ITPRID1: variants seen among roughly 807,000 people sequenced by gnomAD.
ITPRID1 encodes the protein protein ITPRID1.
ITPRID1 carries 96 observed loss-of-function variants against 95.4 expected under a neutral mutation model. That is an observed-to-expected ratio of 1.01 (90% CI 0.85 to 1.19). ITPRID1 has a LOEUF of 1.19. Ranked by LOEUF, ITPRID1 falls within the 50% of genes most tolerant of loss-of-function variation. The pLI, the probability that ITPRID1 is intolerant of heterozygous loss-of-function variation, is 0.00. For synonymous variants in ITPRID1, 510 were observed against 453.6 expected, an observed-to-expected ratio of 1.12 and a Z score of -1.58; for missense variants, 1,339 against 1,252.9, an observed-to-expected ratio of 1.07 and a Z score of -1.04.
chr7:31,532,902 T>C (rs557930942), intron 1 of ITPRID1, among the ~76,000 whole-genome samples: 1 of 152,340 alleles, frequency 6.6e-6, no homozygotes, highest in East Asian at 1.9e-4. Context: ...ATTTTACATA[T>C]GGCTGGATTT....
chr7:31,545,672 T>C lies in ITPRID1; in HGVS notation c.-97-3754T>C, dbSNP rs560465628. Among the ~76,000 whole-genome samples, 10 of 152,212 alleles carry C rather than the reference T, an allele frequency of 6.6e-5. No homozygotes were observed. In the South Asian group the frequency reaches 1.9e-3, roughly 28 times the overall value. On this transcript the variant is annotated intron_variant, in intron 1 of 14. Coordinates refer to ENST00000615280, the MANE Select transcript of ITPRID1 (RefSeq NM_001257967.3). Reference sequence around the variant, plus strand: ...TTCCAGCTTGGGCACAACTGCCTTGTCTTTATATCCAGCCTGCTCCTAAAT... The same window carrying C: ...TTCCAGCTTGGGCACAACTGCCTTGCCTTTATATCCAGCCTGCTCCTAAAT...
At position 31,593,923 on chromosome 7, in the gene ITPRID1, A is replaced by C. The variant is rs1408557033; in HGVS notation, c.1228+10732A>C. On this transcript the variant is annotated intron_variant, in intron 10 of 14. Transcript: ENST00000615280. ...TCATATGGAAAGGTCTCTGAGACAT[A>C]GAGTTGTTAAGTGAGAAAAAAGTTA... Among the ~76,000 whole-genome samples, 3 of 152,214 alleles carry C rather than the reference A, an allele frequency of 2.0e-5. No individual in the cohort carries two copies. The East Asian group carries it at 5.8e-4, about 29-fold the overall frequency.
At chr7:31,595,397 T>C (rs16875585) in intron 10 of ITPRID1, among the ~76,000 whole-genome samples, 21,701 of 145,152 alleles carry the variant, frequency 0.15, 1,803 homozygotes, top group African/African-American at 0.23. Context: ...TTTTTATAGA[T>C]ATAAATGCAG....
At chr7:31,550,122 T>G (rs185244478) in intron 2 of ITPRID1, among the ~76,000 whole-genome samples, 21 of 152,288 alleles carry the variant, frequency 1.4e-4, no homozygotes, top group African/African-American at 5.1e-4. Context: ...TGGTACCTTT[T>G]TTTTTCCTTT....
intron 7 of ITPRID1, 89 bp downstream of exon 7, chr7:31,572,277 G>A (rs927899010): frequency 9.5e-6 from 7 of 738,150 alleles, no homozygotes; most frequent in Middle Eastern, 4.7e-4. Flanking sequence ...CTTGTTGAAT[G>A]AATGGATGAG....
rs147878822 is a variant in ITPRID1 at position 31,533,024 on chromosome 7, G to T, written c.-97-16402G>T. On this transcript the variant is annotated intron_variant, in intron 1 of 14. Coordinates refer to ENST00000615280, the MANE Select transcript of ITPRID1 (RefSeq NM_001257967.3). ...AGGTTTGGGTATCAGTGTTATACAA[G>T]GAATTGAAAATATTTTTTTTCTTTT... Among the ~76,000 whole-genome samples, 1,154 of 152,162 alleles carry T rather than the reference G, an allele frequency of 7.6e-3. 20 individuals carry two copies. The highest frequency in any genetic ancestry group is 0.027 in the African/African-American group (1,111 of 41,510).
At chr7:31,543,098 T>C (rs888494612) in intron 1 of ITPRID1, among the ~76,000 whole-genome samples, 29 of 152,230 alleles carry the variant, frequency 1.9e-4, no homozygotes, top group African/African-American at 7.0e-4. Flanking sequence ...GTTATTGGCC[T>C]TTGGGTGAGG....
intron 12 of ITPRID1, among the ~76,000 whole-genome samples, chr7:31,646,782 G>A (rs747061688): frequency 2.6e-5 from 4 of 152,156 alleles, no homozygotes; most frequent in Non-Finnish European, 5.9e-5. Flanking sequence ...TAAACAAGTA[G>A]GAGTTTGAAT....
intron 5 of ITPRID1, among the ~76,000 whole-genome samples, chr7:31,564,459 T>TA (rs958415446): frequency 3.9e-5 from 6 of 152,054 alleles, no homozygotes; most frequent in Non-Finnish European, 7.4e-5. Flanking sequence ...AAATCTGGTT[T>TA]AAAAAAACCT....
intron 10 of ITPRID1, among the ~76,000 whole-genome samples, chr7:31,625,469 G>A: frequency 6.6e-6 from 1 of 152,128 alleles, no homozygotes; most frequent in Non-Finnish European, 1.5e-5. Context: ...CATGTCCTTT[G>A]TAGGGACATG....
At chr7:31,572,044 C>A in intron 6 of ITPRID1, 58 bp from the exon 7 acceptor site, 1 of 1,101,214 alleles carries the variant, frequency 9.1e-7, no homozygotes, top group Non-Finnish European at 1.4e-6. Flanking sequence ...TTCACAATGA[C>A]CTCCCAGGAG....
intron 10 of ITPRID1, among the ~76,000 whole-genome samples, chr7:31,629,423 G>A (rs1426046384): frequency 1.3e-5 from 2 of 152,162 alleles, no homozygotes; most frequent in Non-Finnish European, 2.9e-5. Context: ...ACAATGGCCT[G>A]TTTTCCTTCC....
At chr7:31,554,966 G>A in intron 5 of ITPRID1, 65 bp downstream of exon 5, 1 of 1,166,328 alleles carries the variant, frequency 8.6e-7, no homozygotes, top group Non-Finnish European at 1.3e-6. Context: ...ATATCTACGT[G>A]AATAAATCTT....
At chr7:31,519,096 T>C (rs1783135313) in intron 1 of ITPRID1, among the ~76,000 whole-genome samples, 1 of 152,170 alleles carries the variant, frequency 6.6e-6, no homozygotes, top group Non-Finnish European at 1.5e-5. Context: ...TCCGAGATTG[T>C]ATCCTGCAGC....
chr7:31,648,622 G>A (rs978632986), intron 12 of ITPRID1, among the ~76,000 whole-genome samples: 1 of 152,046 alleles, frequency 6.6e-6, no homozygotes, highest in East Asian at 1.9e-4. Context: ...ATAACTACAT[G>A]AGCATAAAAT....
intron 10 of ITPRID1, among the ~76,000 whole-genome samples, chr7:31,635,165 G>A (rs980147646): frequency 2.6e-5 from 4 of 152,150 alleles, no homozygotes; most frequent in Non-Finnish European, 5.9e-5. Flanking sequence ...GCCATTCTGA[G>A]CTAGGTGATT....
chr7:31,550,308 G>T (rs1784242932), intron 2 of ITPRID1, among the ~76,000 whole-genome samples: 1 of 151,846 alleles, frequency 6.6e-6, no homozygotes, highest in Non-Finnish European at 1.5e-5. Flanking sequence ...AGAGTAGAAG[G>T]GATTTGAAGA....
intron 10 of ITPRID1, among the ~76,000 whole-genome samples, chr7:31,639,055 G>A (rs927757086): frequency 6.6e-6 from 1 of 152,136 alleles, no homozygotes; most frequent in African/African-American, 2.4e-5. Context: ...GGGATTACAG[G>A]TGTGAGCCAC....
At position 31,643,607 on chromosome 7, in the gene ITPRID1, C is replaced by T; in HGVS notation, c.2237C>T (p.Thr746Ile). ...ECTVCDPVTA[T>I]ETRLGTKARQ... The stretch of plus-strand genomic sequence containing the variant: ...ACTGTGTGTGATCCTGTTACCGCAA[C>T]AGAAACAAGACTGGGGACAAAAGCA... Residue 746 changes from threonine to isoleucine, a missense_variant, in exon 12 of 15, where the codon ACA becomes ATA. Thr to Ile is a moderately conservative substitution (Grantham distance 89). Transcript: ENST00000615280. 1.2e-6 allele frequency: 2 copies of T among 1,614,054 alleles called. No homozygotes were observed. The highest frequency in any genetic ancestry group is 1.7e-6 in the Non-Finnish European group (2 of 1,179,896).
Sources: gnomAD v4.1 joint callset for allele counts (sites outside exome capture counted in the v4.1 genomes callset) on GRCh38, gnomAD v4.1.1 for gene constraint, MANE v1.5 for transcripts, NCBI Gene and HGNC (gene_info 2026-07-23, HGNC 2026-07-21) for gene names.